Variants in FARP1 observed in about 807,000 individuals in gnomAD.
The protein encoded by FARP1 is FERM, ARHGEF and pleckstrin domain-containing protein 1.
In FARP1, 52 loss-of-function variants were observed where a neutral mutation model predicts 128.8. The observed-to-expected ratio is 0.40, with a 90% confidence interval of 0.32 to 0.51. The LOEUF (loss-of-function observed/expected upper bound fraction) is 0.51. Ranked by LOEUF, FARP1 falls within the 20% of genes least tolerant of loss-of-function variation. FARP1 has a pLI of 0.45. For missense variants in FARP1, 1,333 were observed against 1,367.9 expected, an observed-to-expected ratio of 0.97 and a Z score of 0.40; for synonymous variants, 580 against 551.8, an observed-to-expected ratio of 1.05 and a Z score of -0.72.
chr13:98,169,025 G>GTT (rs373014578), intron 1 of FARP1, among the ~76,000 whole-genome samples: 1 of 150,802 alleles, frequency 6.6e-6, no homozygotes, highest in African/African-American at 2.4e-5. Context: ...TTCAAAAACT[G>GTT]TTTTTTTTTG....
chr13:98,414,414 T>C (rs140374090), intron 16 of FARP1, among the ~76,000 whole-genome samples: 2 of 152,260 alleles, frequency 1.3e-5, no homozygotes, highest in East Asian at 3.9e-4. Context: ...AGCTAATCAA[T>C]TACTCAAGAA....
chr13:98,431,461 AT>A (rs34662991), intron 18 of FARP1, 181 bp downstream of exon 18: 129,102 of 337,590 alleles, frequency 0.38, 11,252 homozygotes, highest in Non-Finnish European at 0.39. Flanking sequence ...TTACATCTTG[AT>A]TTTTTTTTTT....
At chr13:98,219,754 C>G (rs1386589317) in intron 2 of FARP1, among the ~76,000 whole-genome samples, 1 of 152,226 alleles carries the variant, frequency 6.6e-6, no homozygotes, top group Non-Finnish European at 1.5e-5. Flanking sequence ...CCGCCTTGAC[C>G]TTCTGGGCTC....
chr13:98,395,438 C>G lies in FARP1; in HGVS notation c.1376C>G (p.Thr459Ser). ...GAGGAGGAGGTCGTTAAGGATAGGA[C>G]CCAGCAGAGTAAACCTCAGCCCCCG... The part of the protein sequence containing the change: ...EEEEEVVKDR[T>S]QQSKPQPPQP... The change falls in exon 13 of 27, where the codon ACC (threonine) becomes AGC (serine). Residue 459 changes from threonine (T) to serine (S), a missense_variant. Thr to Ser is a moderately conservative substitution (Grantham distance 58). Coordinates refer to ENST00000319562, the MANE Select transcript of FARP1 (RefSeq NM_005766.4). 6.2e-7 allele frequency: 1 copy of G among 1,603,346 alleles called. No homozygotes were observed. The highest frequency in any genetic ancestry group is 1.1e-5 in the South Asian group (1 of 90,694).
chr13:98,354,476 G>A (rs1417631805), intron 3 of FARP1, among the ~76,000 whole-genome samples: 4 of 152,174 alleles, frequency 2.6e-5, no homozygotes, highest in African/African-American at 9.7e-5. Context: ...ACGTTCTTTA[G>A]TTAATTGGAG....
At chr13:98,238,973 AC>A (rs1190978473) in intron 2 of FARP1, among the ~76,000 whole-genome samples, 3 of 152,124 alleles carry the variant, frequency 2.0e-5, no homozygotes, top group Non-Finnish European at 4.4e-5. Context: ...AGCATGCGTT[AC>A]CTTTGTTGTT....
intron 12 of FARP1, among the ~76,000 whole-genome samples, chr13:98,394,773 A>G (rs1371231181): frequency 1.3e-5 from 2 of 152,108 alleles, no homozygotes; most frequent in African/African-American, 4.8e-5. Context: ...CATCTCTACA[A>G]AAAAAATTTT....
At chr13:98,353,465 G>A (rs1888518087) in intron 3 of FARP1, among the ~76,000 whole-genome samples, 1 of 152,110 alleles carries the variant, frequency 6.6e-6, no homozygotes, top group African/African-American at 2.4e-5. Flanking sequence ...TGCAACCTCC[G>A]CCTCCCAGGT....
intron 2 of FARP1, among the ~76,000 whole-genome samples, chr13:98,239,391 T>C (rs186691518): frequency 3.3e-5 from 5 of 152,354 alleles, no homozygotes; most frequent in African/African-American, 1.2e-4. Context: ...ATTGGAGCTC[T>C]TTGGGCCTGA....
intron 1 of FARP1, among the ~76,000 whole-genome samples, chr13:98,174,878 G>A (rs1488627786): frequency 6.6e-6 from 1 of 152,204 alleles, no homozygotes; most frequent in Non-Finnish European, 1.5e-5. Flanking sequence ...TCACGCAGCT[G>A]TAACTGGTAG....
chr13:98,438,131 GC>G (rs1371211342), intron 19 of FARP1, among the ~76,000 whole-genome samples: 8 of 152,132 alleles, frequency 5.3e-5, no homozygotes, highest in African/African-American at 1.9e-4. Flanking sequence ...AAGTGCTTGT[GC>G]CCCTGCGATC....
chr13:98,184,163 G>T (rs1359631389), intron 1 of FARP1, among the ~76,000 whole-genome samples: 1 of 152,116 alleles, frequency 6.6e-6, no homozygotes, highest in Non-Finnish European at 1.5e-5. Flanking sequence ...TGTTGCCCAG[G>T]CCGGAGAGTG....
At chr13:98,179,773 C>T (rs1291146285) in intron 1 of FARP1, among the ~76,000 whole-genome samples, 7 of 152,072 alleles carry the variant, frequency 4.6e-5, no homozygotes, top group South Asian at 2.1e-4. Context: ...AGGAGAATGG[C>T]GTGAACCCGG....
In FARP1 at chr13:98,157,265, G is replaced by A. The variant is rs547261126; in HGVS notation, c.-24+13773G>A. On this transcript the variant is annotated intron_variant, in intron 1 of 26. Coordinates refer to ENST00000319562, the MANE Select transcript of FARP1 (RefSeq NM_005766.4). Reference sequence around the variant, plus strand: ...AACGAGCCTGGCTGGAAGAAACCTGGTGTTTTTGCCCCATTTTATTTCCCA... The same window carrying A: ...AACGAGCCTGGCTGGAAGAAACCTGATGTTTTTGCCCCATTTTATTTCCCA... Among the ~76,000 whole-genome samples, 108 of 152,272 alleles carry A rather than the reference G, an allele frequency of 7.1e-4. 1 individual carries two copies. The highest frequency in any genetic ancestry group is 2.5e-3 in the African/African-American group (103 of 41,544).
intron 2 of FARP1, among the ~76,000 whole-genome samples, chr13:98,267,491 C>T (rs532290746): frequency 1.1e-4 from 17 of 152,318 alleles, no homozygotes; most frequent in Admixed American, 1.0e-3. Flanking sequence ...CTCCCACCCC[C>T]CCATATCCTT....
intron 2 of FARP1, among the ~76,000 whole-genome samples, chr13:98,318,019 CCTT>C (rs1165333083): frequency 2.0e-5 from 3 of 149,616 alleles, no homozygotes; most frequent in South Asian, 2.2e-4. Context: ...CTCTTCATCT[CCTT>C]CTTCCTCCTC....
chr13:98,259,500 G>T (rs1655856766), intron 2 of FARP1, among the ~76,000 whole-genome samples: 1 of 152,068 alleles, frequency 6.6e-6, no homozygotes, highest in South Asian at 2.1e-4. Flanking sequence ...CCTCCCTCAG[G>T]CTTGGCTCCA....
intron 9 of FARP1, among the ~76,000 whole-genome samples, 178 bp downstream of exon 9, chr13:98,388,656 C>T (rs1890190531): frequency 6.6e-6 from 1 of 152,208 alleles, no homozygotes; most frequent in African/African-American, 2.4e-5. Context: ...TGGTCGGTAA[C>T]TCTACGGCTG....
chr13:98,149,554 T>A (rs1486380694), intron 1 of FARP1, among the ~76,000 whole-genome samples: 1 of 152,120 alleles, frequency 6.6e-6, no homozygotes, highest in African/African-American at 2.4e-5. Flanking sequence ...TGTATGAGAC[T>A]TCTAGTTACT....
Sources: allele counts gnomAD v4.1 joint callset (sites outside exome capture counted in the v4.1 genomes callset), GRCh38; gene constraint gnomAD v4.1.1; transcripts MANE v1.5; gene names NCBI Gene and HGNC (gene_info 2026-07-23, HGNC 2026-07-21).